Variants in GOLGB1 observed in about 807,000 individuals in gnomAD.
GOLGB1 encodes golgin B1, also known as golgin subfamily B member 1.
A neutral mutation model predicts 336.9 loss-of-function variants in GOLGB1; 174 were observed. The observed-to-expected ratio is 0.52, with a 90% CI of 0.46 to 0.59. The LOEUF (loss-of-function observed/expected upper bound fraction) is 0.59, where lower values mean the gene tolerates loss of function less well. Among genes scored for constraint, GOLGB1 ranks in the 20% least tolerant of loss-of-function variants. The pLI is 0.00. For missense variants in GOLGB1, 3,331 were observed against 3,645.3 expected (o/e 0.91, Z 2.22); for synonymous variants, 1,208 against 1,289.2 (o/e 0.94, Z 1.35).
chr3:121,730,783 G>A, intron 2 of GOLGB1, 93 bp downstream of exon 2: 2 of 1,211,354 alleles, frequency 1.7e-6, no homozygotes, highest in Non-Finnish European at 1.1e-6. Flanking sequence ...TAGTACCAGG[G>A]AGGCTTCGCA....
In GOLGB1 at chr3:121,696,051, T is replaced by C; in HGVS notation, c.4472A>G (p.Gln1491Arg). ...TTCTTTTCGGGAAATAAGGGCAGCT[T>C]GCAGTTTCCTTTGTATTTGTTGCTT... The part of the protein sequence containing the change: ...RAKQQIQRKL[Q>R]AALISRKEAL... The change falls in exon 13 of 22, where the codon CAA becomes CGA. Residue 1491 changes from glutamine to arginine, a missense_variant. Physicochemically the swap from Gln to Arg is conservative, Grantham distance 43. Transcript: ENST00000614479. 6.2e-7 allele frequency: 1 copy of C among 1,614,060 alleles called. No homozygotes were observed.
rs764323790 is a variant in GOLGB1, at chr3:121,694,421, G to C, written c.6102C>G (p.Ile2034Met). ...QEVKQLQKDC[I>M]RYQEKISALE... ...GAGCACTAATTTTCTCTTGATACCT[G>C]ATGCAGTCCTTCTGTAGCTGCTTTA... is the stretch of plus-strand genomic sequence containing the variant. Residue 2034 changes from isoleucine to methionine, a missense_variant, in exon 13 of 22, where the codon ATC (isoleucine) becomes ATG (methionine). Ile to Met is a conservative substitution (Grantham distance 10, BLOSUM62 1). Coordinates refer to ENST00000614479, the MANE Select transcript of GOLGB1 (RefSeq NM_001366282.2). The C allele has an allele frequency of 6.2e-7, 1 of 1,612,816 alleles. No homozygotes were observed. Among genetic ancestry groups the C allele is most frequent in the East Asian group, 2.2e-5 (1 of 44,874 alleles).
chr3:121,675,783 C>T (rs945765610), intron 17 of GOLGB1, among the ~76,000 whole-genome samples: 4 of 151,994 alleles, frequency 2.6e-5, no homozygotes, highest in Non-Finnish European at 4.4e-5. Context: ...TAGTTGTTGC[C>T]CACCAAAATG....
Position 121,698,754 on chromosome 3 carries a change from GC to G in GOLGB1, c.1768del (p.Ala590LeufsTer14). ...AAGGACCTCATGATCTGCTTCCTCA[GC>G]CCTTTTTCCCTGGAGCTGTAATTTA... ...FLKLQLQGKRAEEADHEVLDQ... is the reference protein window; with the variant it reads ...FLKLQLQGKRXEEADHEVLDQ... On this transcript the variant is annotated frameshift_variant, in exon 13 of 22. Transcript: ENST00000614479. LOFTEE classifies it high-confidence loss of function. The G allele has an allele frequency of 1.2e-6, 2 of 1,613,378 alleles. No homozygotes were observed. The highest frequency in any genetic ancestry group is 1.7e-6 in the Non-Finnish European group (2 of 1,179,582).
intron 14 of GOLGB1, among the ~76,000 whole-genome samples, chr3:121,683,863 C>T (rs1363249774): frequency 6.6e-6 from 1 of 152,066 alleles, no homozygotes; most frequent in Non-Finnish European, 1.5e-5. Context: ...GGGACGGTGG[C>T]TCATGCCTGT....
intron 11 of GOLGB1, among the ~76,000 whole-genome samples, chr3:121,700,365 C>A (rs1460988751): frequency 2.6e-5 from 4 of 152,040 alleles, no homozygotes; most frequent in Admixed American, 2.6e-4. Flanking sequence ...AGAAATGACA[C>A]AACCCGAAAG....
rs1158036880 is a variant in GOLGB1 at position 121,695,005 on chromosome 3, T to A, written c.5518A>T (p.Ile1840Phe). The A allele has an allele frequency of 6.2e-7, 1 of 1,614,130 alleles. No homozygotes were observed. Among genetic ancestry groups the A allele is most frequent in the Non-Finnish European group, 8.5e-7 (1 of 1,179,956 alleles). ...TCAATCTGCTGTAGGTAGTTATTAATTTCATCATGTGAGCTGAAATCCTTA... is the reference window on the plus strand; with the variant it reads ...TCAATCTGCTGTAGGTAGTTATTAAATTCATCATGTGAGCTGAAATCCTTA... ...VSKDFSSHDE[I>F]NNYLQQIDQL... is the part of the protein sequence containing the mutation. Residue 1840 changes from isoleucine to phenylalanine, a missense_variant, in exon 13 of 22, where the codon ATT becomes TTT. Transcript: ENST00000614479.
chr3:121,718,955 A>G (rs1477151569), intron 7 of GOLGB1, among the ~76,000 whole-genome samples: 3 of 152,220 alleles, frequency 2.0e-5, no homozygotes, highest in Non-Finnish European at 4.4e-5. Context: ...AATGATACAC[A>G]TATACAATTA....
intron 15 of GOLGB1, among the ~76,000 whole-genome samples, chr3:121,679,749 C>G (rs1346630227): frequency 6.6e-6 from 1 of 152,176 alleles, no homozygotes. Flanking sequence ...AGCTTGGACT[C>G]TTACAATCAC....
intron 17 of GOLGB1, among the ~76,000 whole-genome samples, chr3:121,672,157 T>C (rs1939633803): frequency 6.6e-6 from 1 of 152,202 alleles, no homozygotes; most frequent in African/African-American, 2.4e-5. Flanking sequence ...GATACGTGGG[T>C]TGCTGGATCA....
intron 17 of GOLGB1, among the ~76,000 whole-genome samples, chr3:121,673,430 A>G (rs1939858404): frequency 6.6e-6 from 1 of 152,102 alleles, no homozygotes; most frequent in Admixed American, 6.5e-5. Flanking sequence ...GGTTACATAC[A>G]TATTAAATTT....
intron 14 of GOLGB1, among the ~76,000 whole-genome samples, chr3:121,686,523 A>T (rs1031273036): frequency 1.3e-5 from 2 of 152,218 alleles, no homozygotes; most frequent in Non-Finnish European, 2.9e-5. Context: ...AGTATAGATA[A>T]ATACAGGCAC....
At chr3:121,724,016 A>G (rs1945372802) in intron 5 of GOLGB1, among the ~76,000 whole-genome samples, 1 of 152,148 alleles carries the variant, frequency 6.6e-6, no homozygotes, top group South Asian at 2.1e-4. Context: ...CTTATAAATT[A>G]CCCAGTTTCA....
Position 121,694,710 on chromosome 3 carries a change from A to G in GOLGB1, c.5813T>C (p.Leu1938Pro), listed in dbSNP as rs572606581. 1 of 1,612,136 alleles carries G rather than the reference A, an allele frequency of 6.2e-7. No homozygotes were observed. Among genetic ancestry groups the G allele is most frequent in the East Asian group, 2.2e-5 (1 of 44,876 alleles). The change falls in exon 13 of 22, where the codon CTT (leucine) becomes CCT (proline). Residue 1938 changes from leucine to proline, a missense_variant. Transcript: ENST00000614479. ...ACAGTAATTCCCAATGCTTCCATTA[A>G]GTTCTGCTAATTGATTCATAAGCCT... is the stretch of plus-strand genomic sequence containing the variant. ...EERLMNQLAELNGSIGNYCQD... is the reference protein window; with the variant it reads ...EERLMNQLAEPNGSIGNYCQD...
chr3:121,671,021 A>G (rs1478450884), intron 17 of GOLGB1, among the ~76,000 whole-genome samples: 1 of 152,198 alleles, frequency 6.6e-6, no homozygotes, highest in Non-Finnish European at 1.5e-5. Context: ...CCCTTTTATC[A>G]TAAATAAGGT....
chr3:121,717,973 A>AT, intron 8 of GOLGB1, among the ~76,000 whole-genome samples: 1 of 152,312 alleles, frequency 6.6e-6, no homozygotes, highest in Middle Eastern at 3.4e-3. Context: ...TTTTGTGCAT[A>AT]TTTGCCTTTG....
At position 121,664,556 on chromosome 3, in the gene GOLGB1, C is replaced by A; in HGVS notation, c.9719G>T (p.Arg3240Leu). 6.2e-7 allele frequency: 1 copy of A among 1,613,512 alleles called. No homozygotes were observed. The stretch of plus-strand genomic sequence containing the variant: ...GTAGATGGCTGCTAGAAGTGGCACT[C>A]GGGTCCGTGAATGACAGAGTGAACG... The part of the protein sequence containing the change: ...VLRSLCHSRT[R>L]VPLLAAIYFL... Residue 3240 changes from arginine (R) to leucine (L), a missense_variant, in exon 22 of 22, where the codon CGA becomes CTA. Arg to Leu is a moderately radical substitution (Grantham distance 102). Coordinates refer to ENST00000614479, the MANE Select transcript of GOLGB1 (RefSeq NM_001366282.2).
In GOLGB1 at chr3:121,696,262, T is replaced by A. The variant is rs1942936088; in HGVS notation, c.4261A>T (p.Ser1421Cys). 1 of 1,613,966 alleles carries A rather than the reference T, an allele frequency of 6.2e-7. No individual in the cohort carries two copies. The highest frequency in any genetic ancestry group is 1.3e-5 in the African/African-American group (1 of 74,908). ...EDVSYLSGQLSEKEAALTKIQ... is the reference protein window; with the variant it reads ...EDVSYLSGQLCEKEAALTKIQ... ...TTAGTGAGAGCTGCTTCTTTCTCACTAAGTTGTCCAGAAAGGTAGCTAACG... is the reference window on the plus strand; with the variant it reads ...TTAGTGAGAGCTGCTTCTTTCTCACAAAGTTGTCCAGAAAGGTAGCTAACG... The change falls in exon 13 of 22, where the codon AGT (serine) becomes TGT (cysteine). Residue 1421 changes from serine (S) to cysteine (C), a missense_variant. By Grantham distance (112) the Ser-to-Cys change is moderately radical (BLOSUM62 -1). Transcript: ENST00000614479.
chr3:121,673,755 CT>C (rs760030326), intron 17 of GOLGB1, among the ~76,000 whole-genome samples: 4 of 152,092 alleles, frequency 2.6e-5, no homozygotes, highest in Non-Finnish European at 4.4e-5. Flanking sequence ...CAGTCTCGCT[CT>C]GTCACCTAGG....
Sources: gnomAD v4.1 joint callset for allele counts (sites outside exome capture counted in the v4.1 genomes callset) on GRCh38, gnomAD v4.1.1 for gene constraint, MANE v1.5 for transcripts, NCBI Gene and HGNC (gene_info 2026-07-23, HGNC 2026-07-21) for gene names.